The following MAF variants were observed in gnomAD, a reference collection of about 807,000 sequenced individuals.
MAF encodes transcription factor Maf.
MAF carries 10 observed loss-of-function variants against 22.0 expected under a neutral mutation model. The ratio of observed to expected loss-of-function variants is 0.45; its 90% CI spans 0.28 to 0.77. MAF has a LOEUF of 0.77. MAF is among the 30% of genes least tolerant of loss of function. The probability of loss-of-function intolerance (pLI) is 0.12; values close to 1 mark genes in which losing one functional copy is unlikely to be tolerated. For synonymous variants in MAF, 337 were observed against 255.8 expected, an observed-to-expected ratio of 1.32 and a Z score of -3.03; for missense variants, 544 against 548.4, an observed-to-expected ratio of 0.99 and a Z score of 0.08.
downstream of MAF, among the ~76,000 whole-genome samples, chr16:79,590,880 C>T (rs182484280): frequency 3.4e-4 from 52 of 152,244 alleles, no homozygotes; most frequent in African/African-American, 1.2e-3. Flanking sequence ...GATCCTCGGC[C>T]TGCTTTCCTT....
rs2143819197 is a variant in MAF at position 79,599,822 on chromosome 16, C to A, written c.81G>T (p.Leu27=). ...GTTCCTTTTTCACTTCAAACTTCAT[C>A]AGATCGAAGTCATTAACATATTCCA... The part of the protein sequence containing the change: ...LAMEYVNDFD[L]MKFEVKKEPV... Residue 27 remains leucine, a synonymous_variant, in exon 1 of 2, where the codon CTG becomes CTT. Coordinates refer to ENST00000326043, the MANE Select transcript of MAF (RefSeq NM_005360.5). 2.5e-6 allele frequency: 4 copies of A among 1,612,652 alleles called. No individual in the cohort carries two copies. Among genetic ancestry groups the A allele is most frequent in the Non-Finnish European group, 3.4e-6 (4 of 1,179,936 alleles).
At chr16:79,301,650 C>T in the MAF span, among the ~76,000 whole-genome samples, 3 of 152,084 alleles carry the variant, frequency 2.0e-5, no homozygotes, top group South Asian at 2.1e-4. Context: ...TATATAGACA[C>T]ATACATATAT....
chr16:79,252,321 G>T, the MAF span, among the ~76,000 whole-genome samples: 2 of 136,588 alleles, frequency 1.5e-5, no homozygotes, highest in Admixed American at 7.3e-5. Flanking sequence ...TTTATTTATA[G>T]ACACAAATTG....
chr16:79,383,733 T>C, the MAF span, among the ~76,000 whole-genome samples: 3 of 152,196 alleles, frequency 2.0e-5, no homozygotes, highest in South Asian at 2.1e-4. Flanking sequence ...TTTGAAAGCA[T>C]CATTTTTTGA....
At chr16:79,570,692 C>A in the MAF span, among the ~76,000 whole-genome samples, 39 of 152,228 alleles carry the variant, frequency 2.6e-4, no homozygotes, top group African/African-American at 8.4e-4. Flanking sequence ...GTATTCCCTT[C>A]TGCAAATATT....
the MAF span, among the ~76,000 whole-genome samples, chr16:79,559,105 T>G: frequency 1.3e-5 from 2 of 152,176 alleles, no homozygotes; most frequent in Admixed American, 1.3e-4. Context: ...TACAGCTTGT[T>G]GTACACCAGT....
the MAF span, among the ~76,000 whole-genome samples, chr16:79,439,642 G>A: frequency 1.3e-5 from 2 of 152,210 alleles, no homozygotes; most frequent in African/African-American, 4.8e-5. Flanking sequence ...TGCAAAAACA[G>A]TCTGCTCTGC....
At chr16:79,334,958 G>A in the MAF span, among the ~76,000 whole-genome samples, 24 of 151,688 alleles carry the variant, frequency 1.6e-4, no homozygotes, top group South Asian at 3.8e-3. Context: ...AGGCTGAGGC[G>A]GGCAGATCAC....
At chr16:79,420,845 C>T in the MAF span, among the ~76,000 whole-genome samples, 3 of 152,158 alleles carry the variant, frequency 2.0e-5, no homozygotes, top group Admixed American at 1.3e-4. Flanking sequence ...GCCTGTCCAA[C>T]GTGGAGAAAC....
At chr16:79,295,749 C>G in the MAF span, among the ~76,000 whole-genome samples, 2 of 152,190 alleles carry the variant, frequency 1.3e-5, no homozygotes, top group East Asian at 3.8e-4. Context: ...TGGGGGCTTC[C>G]CTGTGTGTCA....
the MAF span, among the ~76,000 whole-genome samples, chr16:79,301,697 G>A: frequency 5.3e-5 from 8 of 151,928 alleles, no homozygotes; most frequent in East Asian, 1.9e-4. Context: ...TATGTTGTAC[G>A]TGTGTATAAA....
chr16:79,309,261 T>A, the MAF span, among the ~76,000 whole-genome samples: 1 of 152,198 alleles, frequency 6.6e-6, no homozygotes, highest in Admixed American at 6.5e-5. Context: ...GCTGATGCCT[T>A]GAGCTATGAC....
At chr16:79,395,483 G>C in the MAF span, among the ~76,000 whole-genome samples, 6 of 152,140 alleles carry the variant, frequency 3.9e-5, no homozygotes, top group African/African-American at 1.2e-4. Context: ...GAGGAGGGTG[G>C]GTCCTAATCT....
At chr16:79,396,150 G>C in the MAF span, among the ~76,000 whole-genome samples, 4 of 152,176 alleles carry the variant, frequency 2.6e-5, no homozygotes, top group Admixed American at 6.5e-5. Context: ...TGCATAAAGG[G>C]TGTTTGTCCT....
At chr16:79,468,901 G>C in the MAF span, among the ~76,000 whole-genome samples, 1 of 152,092 alleles carries the variant, frequency 6.6e-6, no homozygotes, top group Non-Finnish European at 1.5e-5. Context: ...TAATCCTCCT[G>C]CTTGCTTTGA....
the MAF span, among the ~76,000 whole-genome samples, chr16:79,483,549 A>G: frequency 2.0e-5 from 3 of 151,956 alleles, no homozygotes; most frequent in Admixed American, 6.6e-5. Flanking sequence ...AGAAGAGAAT[A>G]GAATGGGCAA....
At chr16:79,389,371 G>C in the MAF span, among the ~76,000 whole-genome samples, 2 of 152,076 alleles carry the variant, frequency 1.3e-5, no homozygotes, top group Non-Finnish European at 2.9e-5. Context: ...AAGTGATTCT[G>C]CCTCAGCCTC....
At chr16:79,476,915 C>T in the MAF span, among the ~76,000 whole-genome samples, 2 of 152,068 alleles carry the variant, frequency 1.3e-5, no homozygotes, top group Non-Finnish European at 2.9e-5. Flanking sequence ...GGAGAGTGGC[C>T]TTTGAGAGTC....
the MAF span, among the ~76,000 whole-genome samples, chr16:79,547,041 AC>A: frequency 1.3e-5 from 2 of 152,212 alleles, no homozygotes; most frequent in Admixed American, 1.3e-4. Context: ...TGGTCACAGG[AC>A]ATGCGTACGA....
Sources: gnomAD v4.1 joint callset for allele counts (sites outside exome capture counted in the v4.1 genomes callset) on GRCh38, gnomAD v4.1.1 for gene constraint, MANE v1.5 for transcripts, NCBI Gene and HGNC (gene_info 2026-07-23, HGNC 2026-07-21) for gene names.